The following SLC16A12 variants were observed in gnomAD, a reference collection of about 807,000 sequenced individuals.
The protein encoded by SLC16A12 is monocarboxylate transporter 12.
Under a neutral mutation model 42.4 loss-of-function variants are expected in SLC16A12, and 17 were observed. That is an observed-to-expected ratio of 0.40 (90% confidence interval 0.27 to 0.60). The LOEUF is 0.60. SLC16A12 is among the 20% of genes least tolerant of loss of function. SLC16A12 has a pLI of 0.42. For missense variants in SLC16A12, 544 were observed against 623.0 expected, an observed-to-expected ratio of 0.87 and a Z score of 1.35; for synonymous variants, 224 against 229.4, an observed-to-expected ratio of 0.98 and a Z score of 0.21.
intron 2 of SLC16A12, among the ~76,000 whole-genome samples, chr10:89,483,549 AT>A (rs1266988323): frequency 6.6e-6 from 1 of 152,134 alleles, no homozygotes; most frequent in Non-Finnish European, 1.5e-5. Flanking sequence ...ATAATAATAA[AT>A]TGCAATAACC....
intron 3 of SLC16A12, among the ~76,000 whole-genome samples, chr10:89,448,320 T>C (rs1842036866): frequency 6.6e-6 from 1 of 151,954 alleles, no homozygotes; most frequent in Non-Finnish European, 1.5e-5. Flanking sequence ...CAAAAAGGGA[T>C]CTTTAGACCA....
chr10:89,436,761 A>G (rs991627327), intron 6 of SLC16A12, among the ~76,000 whole-genome samples: 12 of 147,206 alleles, frequency 8.2e-5, no homozygotes, highest in African/African-American at 2.6e-4. Context: ...ATAAACTAAC[A>G]CTAATGATAG....
At chr10:89,549,585 C>T (rs776668266) in intron 2 of SLC16A12, among the ~76,000 whole-genome samples, 72 of 152,046 alleles carry the variant, frequency 4.7e-4, no homozygotes, top group Admixed American at 1.7e-3. Context: ...GAAAAAGTCA[C>T]CTTAGTGTTT....
intron 3 of SLC16A12, among the ~76,000 whole-genome samples, chr10:89,447,707 C>G (rs1264780383): frequency 6.6e-6 from 1 of 152,028 alleles, no homozygotes; most frequent in Non-Finnish European, 1.5e-5. Flanking sequence ...ACTAGAGAAG[C>G]AAGAGCAAAC....
At chr10:89,433,735 T>G (rs1407583197) in intron 7 of SLC16A12, among the ~76,000 whole-genome samples, 2 of 152,242 alleles carry the variant, frequency 1.3e-5, no homozygotes, top group Non-Finnish European at 2.9e-5. Flanking sequence ...CATACACTGT[T>G]TTGAGTAACA....
intron 2 of SLC16A12, among the ~76,000 whole-genome samples, chr10:89,547,819 C>T (rs1843749704): frequency 6.6e-6 from 1 of 151,818 alleles, no homozygotes. Flanking sequence ...AAAACCCCAT[C>T]TCTACAAAAA....
At chr10:89,514,820 G>T (rs535126040) in intron 2 of SLC16A12, among the ~76,000 whole-genome samples, 1 of 152,352 alleles carries the variant, frequency 6.6e-6, no homozygotes, top group African/African-American at 2.4e-5. Flanking sequence ...CGCGGGTGCA[G>T]TGGCTCATGC....
intron 2 of SLC16A12, among the ~76,000 whole-genome samples, chr10:89,481,676 AGAGTGT>A (rs1564583957): frequency 9.1e-4 from 135 of 147,750 alleles, no homozygotes; most frequent in Non-Finnish European, 1.6e-3. Context: ...AGAGAGAGAG[AGAGTGT>A]GTGTGTGTGT....
chr10:89,457,323 T>C (rs948747204), intron 3 of SLC16A12, among the ~76,000 whole-genome samples: 1 of 152,096 alleles, frequency 6.6e-6, no homozygotes, highest in Non-Finnish European at 1.5e-5. Context: ...GCAAAGGACA[T>C]GAACAGATGC....
chr10:89,465,738 C>G (rs980941341), intron 2 of SLC16A12, among the ~76,000 whole-genome samples: 1 of 152,166 alleles, frequency 6.6e-6, no homozygotes, highest in African/African-American at 2.4e-5. Flanking sequence ...TGTTAGGATT[C>G]AACTCTATCT....
At chr10:89,538,797 AT>A (rs553457697), upstream of SLC16A12, among the ~76,000 whole-genome samples, 8 of 152,266 alleles carry the variant, frequency 5.3e-5, no homozygotes, top group South Asian at 1.5e-3. Flanking sequence ...AATGACAAAG[AT>A]TTTTTTCCTT....
At chr10:89,446,367 G>A (rs1842001982) in intron 3 of SLC16A12, among the ~76,000 whole-genome samples, 1 of 152,134 alleles carries the variant, frequency 6.6e-6, no homozygotes, top group Non-Finnish European at 1.5e-5. Context: ...GAAAGGTCGG[G>A]TTACCCACAA....
At chr10:89,456,979 A>G (rs1188678219) in intron 3 of SLC16A12, among the ~76,000 whole-genome samples, 1 of 152,110 alleles carries the variant, frequency 6.6e-6, no homozygotes. Flanking sequence ...GGTTGATTCC[A>G]TGTCTTTGCT....
intron 2 of SLC16A12, among the ~76,000 whole-genome samples, chr10:89,522,387 T>C (rs957430494): frequency 1.3e-5 from 2 of 152,182 alleles, no homozygotes; most frequent in African/African-American, 2.4e-5. Flanking sequence ...CTAGACCTCA[T>C]GGTCCATCAC....
chr10:89,490,977 A>G (rs756879352), intron 2 of SLC16A12, among the ~76,000 whole-genome samples: 25 of 152,234 alleles, frequency 1.6e-4, no homozygotes, highest in Non-Finnish European at 3.1e-4. Flanking sequence ...AGAACTGGAG[A>G]CAAAAACCAA....
chr10:89,464,609 T>C (rs1001906716), intron 2 of SLC16A12, among the ~76,000 whole-genome samples: 8 of 152,226 alleles, frequency 5.3e-5, no homozygotes, highest in Admixed American at 2.0e-4. Flanking sequence ...ATGTACCACC[T>C]GGTAAATTAT....
chr10:89,526,713 G>A (rs1843459391), intron 2 of SLC16A12, among the ~76,000 whole-genome samples: 1 of 152,220 alleles, frequency 6.6e-6, no homozygotes, highest in Non-Finnish European at 1.5e-5. Flanking sequence ...ATAGCAGAAG[G>A]GGCCACCAGA....
chr10:89,514,990 G>C (rs1377978451), intron 2 of SLC16A12, among the ~76,000 whole-genome samples: 1 of 152,144 alleles, frequency 6.6e-6, no homozygotes, highest in Non-Finnish European at 1.5e-5. Flanking sequence ...TACTTGGGAG[G>C]CTGAGGCAGG....
At chr10:89,459,476 T>G (rs1409813028) in intron 3 of SLC16A12, among the ~76,000 whole-genome samples, 3 of 150,924 alleles carry the variant, frequency 2.0e-5, no homozygotes, top group African/African-American at 7.3e-5. Context: ...AGGAAGCTAT[T>G]TAGTTATGTA....
Sources: allele counts gnomAD v4.1 joint callset (sites outside exome capture counted in the v4.1 genomes callset), GRCh38; gene constraint gnomAD v4.1.1; transcripts MANE v1.5; gene names NCBI Gene and HGNC (gene_info 2026-07-23, HGNC 2026-07-21).